FBXO4: variants seen among roughly 807,000 people sequenced by gnomAD.
The protein encoded by FBXO4 is F-box only protein 4.
In FBXO4, 36 loss-of-function variants were observed where a neutral mutation model predicts 43.7. That is an observed-to-expected ratio of 0.82 (90% CI 0.63 to 1.09). FBXO4 has a LOEUF of 1.09. Among genes scored for constraint, FBXO4 ranks in the 50% least tolerant of loss-of-function variants. FBXO4 has a pLI of 0.00. For synonymous variants in FBXO4, 180 were observed against 165.6 expected (o/e 1.09, Z -0.67); for missense variants, 435 against 474.1 (o/e 0.92, Z 0.77).
the FBXO4 span, among the ~76,000 whole-genome samples, chr5:42,020,985 T>C: frequency 2.0e-5 from 3 of 152,018 alleles, no homozygotes; most frequent in Non-Finnish European, 4.4e-5. Flanking sequence ...AACTGGAGTA[T>C]AGGGTGCAAA....
At chr5:41,938,153 T>TA (rs959785588) in intron 5 of FBXO4, among the ~76,000 whole-genome samples, 4 of 151,856 alleles carry the variant, frequency 2.6e-5, no homozygotes, top group Admixed American at 6.6e-5. Flanking sequence ...CTAATTTTAA[T>TA]AAAAAAAACT....
chr5:42,033,459 G>C, the FBXO4 span, among the ~76,000 whole-genome samples: 160 of 152,198 alleles, frequency 1.1e-3, no homozygotes, highest in African/African-American at 3.5e-3. Flanking sequence ...CGTGTGTCAT[G>C]GTGGTTTTCT....
chr5:41,978,922 G>T, the FBXO4 span, among the ~76,000 whole-genome samples: 1 of 152,090 alleles, frequency 6.6e-6, no homozygotes, highest in Non-Finnish European at 1.5e-5. Flanking sequence ...TTCCATGAGA[G>T]CCTTAATTCT....
chr5:41,925,996 C>T (rs1323804174), intron 1 of FBXO4, among the ~76,000 whole-genome samples: 1 of 152,168 alleles, frequency 6.6e-6, no homozygotes, highest in Non-Finnish European at 1.5e-5. Flanking sequence ...AGAAACAAAA[C>T]GGCCCCTCAG....
chr5:41,996,611 C>T, the FBXO4 span, among the ~76,000 whole-genome samples: 3 of 152,206 alleles, frequency 2.0e-5, no homozygotes, highest in Non-Finnish European at 4.4e-5. Context: ...CCACTCAAAA[C>T]TGGCAGCCTT....
chr5:41,940,180 T>C (rs1751968877), intron 6 of FBXO4, among the ~76,000 whole-genome samples: 2 of 151,910 alleles, frequency 1.3e-5, no homozygotes, highest in Admixed American at 6.6e-5. Flanking sequence ...GCCACTATTA[T>C]GTTTTTTATA....
At chr5:41,948,631 A>G in the FBXO4 span, among the ~76,000 whole-genome samples, 1 of 152,184 alleles carries the variant, frequency 6.6e-6, no homozygotes, top group Non-Finnish European at 1.5e-5. Flanking sequence ...AAACACTATG[A>G]TATATTATTT....
At chr5:41,939,335 G>A in intron 5 of FBXO4, 106 bp from the exon 6 acceptor site, 1 of 1,000,290 alleles carries the variant, frequency 1.0e-6, no homozygotes, top group Non-Finnish European at 1.5e-6. Context: ...GTTTATGTTT[G>A]GATCCTGGTA....
At chr5:41,982,580 G>T in the FBXO4 span, among the ~76,000 whole-genome samples, 1 of 151,356 alleles carries the variant, frequency 6.6e-6, no homozygotes, top group Non-Finnish European at 1.5e-5. Flanking sequence ...TGCTAACATT[G>T]AAAAAAAATT....
chr5:41,933,900 A>G (rs756975452), intron 3 of FBXO4, 46 bp from the exon 4 acceptor site: 12 of 1,505,876 alleles, frequency 8.0e-6, no homozygotes, highest in Non-Finnish European at 1.1e-5. Flanking sequence ...ATCTTTTGCT[A>G]TTTTTATTAA....
At chr5:41,977,132 C>T in the FBXO4 span, among the ~76,000 whole-genome samples, 4 of 152,162 alleles carry the variant, frequency 2.6e-5, no homozygotes, top group African/African-American at 9.7e-5. Flanking sequence ...ATTCTTTCCT[C>T]CTAGGCCTAT....
At chr5:41,966,589 T>C in the FBXO4 span, among the ~76,000 whole-genome samples, 1 of 152,218 alleles carries the variant, frequency 6.6e-6, no homozygotes, top group Non-Finnish European at 1.5e-5. Flanking sequence ...AGGAAAATGA[T>C]TAACATGTAG....
chr5:41,925,948 A>G (rs1051494066), intron 1 of FBXO4, among the ~76,000 whole-genome samples: 9 of 152,184 alleles, frequency 5.9e-5, no homozygotes, highest in Non-Finnish European at 1.0e-4. Context: ...TACCCTCTCA[A>G]GAGGACATTG....
the FBXO4 span, among the ~76,000 whole-genome samples, chr5:42,027,567 A>G: frequency 6.7e-6 from 1 of 149,786 alleles, no homozygotes; most frequent in Non-Finnish European, 1.5e-5. Flanking sequence ...ATTCTTTATT[A>G]TTTTCTTCTA....
At chr5:41,949,162 G>A in the FBXO4 span, among the ~76,000 whole-genome samples, 2 of 152,128 alleles carry the variant, frequency 1.3e-5, no homozygotes, top group Non-Finnish European at 1.5e-5. Flanking sequence ...ATAAGACAAG[G>A]ATGCCCTCTC....
the FBXO4 span, among the ~76,000 whole-genome samples, chr5:41,960,074 C>T: frequency 1.3e-5 from 2 of 152,114 alleles, no homozygotes; most frequent in Middle Eastern, 3.4e-3. Context: ...AGATCTTTCA[C>T]CTTCTTAGGT....
the FBXO4 span, among the ~76,000 whole-genome samples, chr5:42,020,923 T>C: frequency 6.6e-6 from 1 of 152,070 alleles, no homozygotes; most frequent in South Asian, 2.1e-4. Flanking sequence ...AGGTAAACAC[T>C]AGGAAATTAG....
chr5:41,937,284 T>A (rs1202680319), intron 5 of FBXO4, among the ~76,000 whole-genome samples: 1 of 151,866 alleles, frequency 6.6e-6, no homozygotes, highest in Non-Finnish European at 1.5e-5. Flanking sequence ...CCAGAAAAAA[T>A]GAAAACATAC....
chr5:41,939,627 T>A lies in FBXO4; in HGVS notation c.1074+11T>A. On this transcript the variant is annotated intron_variant, in intron 6 of 6. Transcript: ENST00000281623. ...AATCACCCATGGCTGGTAAGATCAT[T>A]TATACTCTAGTGACAAAAATTTTAT... 2 of 1,589,812 alleles carry A rather than the reference T, an allele frequency of 1.3e-6. No homozygotes were observed. Among genetic ancestry groups the A allele is most frequent in the Non-Finnish European group, 1.7e-6 (2 of 1,168,076 alleles).
Sources: allele counts gnomAD v4.1 joint callset (sites outside exome capture counted in the v4.1 genomes callset), GRCh38; gene constraint gnomAD v4.1.1; transcripts MANE v1.5; gene names NCBI Gene and HGNC (gene_info 2026-07-23, HGNC 2026-07-21).